The following MTSS1 variants were observed in gnomAD, a reference collection of about 807,000 sequenced individuals.
The protein encoded by MTSS1 is MTSS I-BAR domain containing 1, also known as protein MTSS 1.
MTSS1 carries 18 observed loss-of-function variants against 79.0 expected under a neutral mutation model. The observed-to-expected ratio is 0.23, with a 90% CI of 0.16 to 0.34. The LOEUF is 0.34. Among genes scored for constraint, MTSS1 ranks in the 10% least tolerant of loss-of-function variants. The pLI is 1.00. For synonymous variants in MTSS1, 341 were observed against 368.6 expected (o/e 0.93, Z 0.86); for missense variants, 815 against 986.2 (o/e 0.83, Z 2.33).
chr8:124,655,855 C>T (rs1820836425), intron 3 of MTSS1, among the ~76,000 whole-genome samples: 1 of 152,108 alleles, frequency 6.6e-6, no homozygotes, highest in African/African-American at 2.4e-5. Flanking sequence ...AAACTGTAGA[C>T]AAAGGCCATA....
Position 124,728,155 on chromosome 8 carries a change from C to T in MTSS1, c.-200G>A. On this transcript the variant is annotated 5_prime_UTR_variant, in exon 1 of 14. Coordinates refer to ENST00000518547, the MANE Select transcript of MTSS1 (RefSeq NM_014751.6). The surrounding 1 kb of genome is among the most constrained non-coding windows in gnomAD (Gnocchi z 6.1). ...ATAACAGTAATTTAAAAAGCCAAAC[C>T]GCTCTGTAGGGTATTCGCCTACAAG... The T allele has an allele frequency of 6.1e-6, 3 of 490,364 alleles. No individual in the cohort carries two copies. Among genetic ancestry groups the T allele is most frequent in the Non-Finnish European group, 7.2e-6 (2 of 278,504 alleles). 30.4% of individuals were successfully genotyped at this position (490,364 alleles called of 1,614,324 possible). A position where few individuals can be genotyped will look rare whatever the true frequency, so the allele number is the denominator to read the frequency against.
At chr8:124,673,076 A>G (rs1824591179) in intron 3 of MTSS1, 1 of 152,160 alleles carries the variant, frequency 6.6e-6, no homozygotes, top group Non-Finnish European at 1.5e-5. Flanking sequence ...TTCTCGCTGG[A>G]CTAGTGCACT....
At chr8:124,607,808 T>G (rs1835127645) in intron 3 of MTSS1, among the ~76,000 whole-genome samples, 1 of 152,194 alleles carries the variant, frequency 6.6e-6, no homozygotes, top group Admixed American at 6.5e-5. Context: ...CTTTGCTTTC[T>G]GTTGGAATTA....
intron 3 of MTSS1, chr8:124,698,148 A>T (rs1000007681): frequency 6.6e-6 from 1 of 152,216 alleles, no homozygotes; most frequent in African/African-American, 2.4e-5. Context: ...AGTGCCTGAA[A>T]TAAAAGGAGT....
At chr8:124,605,594 C>G (rs1422767409) in intron 3 of MTSS1, among the ~76,000 whole-genome samples, 2 of 139,650 alleles carry the variant, frequency 1.4e-5, no homozygotes, top group African/African-American at 6.5e-5. Flanking sequence ...CCTCTCGCTG[C>G]CTCCCTCCCT....
In MTSS1 at chr8:124,566,051, T is replaced by C. The variant is rs1826357386; in HGVS notation, c.727-292A>G. On this transcript the variant is annotated intron_variant, in intron 8 of 13. Transcript: ENST00000518547. ...AGGGAGAAATACAGTGACCAATTAATAATTTATAACAGCCATTTATACCCA... is the reference window on the plus strand; with the variant it reads ...AGGGAGAAATACAGTGACCAATTAACAATTTATAACAGCCATTTATACCCA... 7 of 215,152 alleles carry C rather than the reference T, an allele frequency of 3.3e-5. No homozygotes were observed. The South Asian group carries it at 7.0e-4, about 22-fold the overall frequency. 13.3% of individuals were successfully genotyped at this position (215,152 alleles called of 1,614,324 possible). A position where few individuals can be genotyped will look rare whatever the true frequency, so the allele number is the denominator to read the frequency against.
At chr8:124,691,176 CA>C (rs1247263865) in intron 3 of MTSS1, among the ~76,000 whole-genome samples, 2 of 152,118 alleles carry the variant, frequency 1.3e-5, no homozygotes, top group Non-Finnish European at 2.9e-5. Context: ...GGAAAAACAC[CA>C]AAATGATGAG....
chr8:124,635,845 T>C (rs1440613546), intron 3 of MTSS1, among the ~76,000 whole-genome samples: 1 of 152,026 alleles, frequency 6.6e-6, no homozygotes, highest in Admixed American at 6.6e-5. Context: ...ATGCCTTCCA[T>C]CTAGTTGCTA....
intron 3 of MTSS1, among the ~76,000 whole-genome samples, chr8:124,614,285 A>G (rs1243410590): frequency 1.2e-4 from 18 of 152,158 alleles, no homozygotes; most frequent in Non-Finnish European, 1.5e-5. Context: ...ACCTTGCTCA[A>G]TTGGAGGCCA....
At chr8:124,705,922 G>A (rs572992275) in intron 1 of MTSS1, among the ~76,000 whole-genome samples, 13 of 152,288 alleles carry the variant, frequency 8.5e-5, no homozygotes, top group African/African-American at 2.9e-4. Flanking sequence ...CCAAAAATGG[G>A]ACATTGCCAG....
chr8:124,628,887 C>T (rs1242836094), intron 3 of MTSS1, among the ~76,000 whole-genome samples: 3 of 152,128 alleles, frequency 2.0e-5, no homozygotes, highest in Non-Finnish European at 4.4e-5. Flanking sequence ...TGTCTAGCTC[C>T]GAAGTCTGCA....
At chr8:124,653,441 A>C (rs1208456351) in intron 3 of MTSS1, among the ~76,000 whole-genome samples, 1 of 152,162 alleles carries the variant, frequency 6.6e-6, no homozygotes, top group Non-Finnish European at 1.5e-5. Flanking sequence ...TATAAAAAAC[A>C]AGCCGGGCAT....
At chr8:124,698,253 T>A (rs1477399872) in intron 3 of MTSS1, 3 of 152,134 alleles carry the variant, frequency 2.0e-5, no homozygotes, top group Non-Finnish European at 2.9e-5. Flanking sequence ...AAGGTACCCA[T>A]CAGGTGGTTC....
At chr8:124,591,435 G>C (rs188070056) in intron 3 of MTSS1, among the ~76,000 whole-genome samples, 200 bp from the exon 4 acceptor site, 47 of 152,320 alleles carry the variant, frequency 3.1e-4, no homozygotes, top group African/African-American at 1.1e-3. Flanking sequence ...ACAGATTTCT[G>C]TATCACCAAA....
chr8:124,573,629 C>T (rs1025116934), intron 6 of MTSS1, among the ~76,000 whole-genome samples: 3 of 152,346 alleles, frequency 2.0e-5, no homozygotes, highest in African/African-American at 7.2e-5. Context: ...TGGCCTCAAC[C>T]ATCATTCCCT....
In MTSS1 at chr8:124,553,502, A is replaced by G. The variant is rs1225070052; in HGVS notation, c.1758T>C (p.Val586=). The part of the protein sequence containing the change: ...TLGPAMVTPG[V]ATIRRTPSTK... The stretch of plus-strand genomic sequence containing the variant: ...TGGAAGGGGTCCGTCGGATAGTTGC[A>G]ACCCCTGGAGTGACCATAGCAGGTC... Residue 586 remains valine, a synonymous_variant, in exon 14 of 14, where the codon GTT becomes GTC. Transcript: ENST00000518547. The surrounding 1 kb of genome is among the most constrained non-coding windows in gnomAD (Gnocchi z 6.0). The G allele has an allele frequency of 6.2e-7, 1 of 1,613,478 alleles. No individual in the cohort carries two copies. The highest frequency in any genetic ancestry group is 8.5e-7 in the Non-Finnish European group (1 of 1,179,690).
At chr8:124,620,102 T>C (rs912947415) in intron 3 of MTSS1, among the ~76,000 whole-genome samples, 1 of 152,098 alleles carries the variant, frequency 6.6e-6, no homozygotes, top group South Asian at 2.1e-4. Context: ...TGCGCCACCA[T>C]GCCTGGCTAA....
chr8:124,653,316 C>G (rs1282456529), intron 3 of MTSS1, among the ~76,000 whole-genome samples: 1 of 152,216 alleles, frequency 6.6e-6, no homozygotes, highest in Non-Finnish European at 1.5e-5. Flanking sequence ...TTTAGTCCAT[C>G]ACATTGAAAT....
At chr8:124,706,858 A>AT (rs1322281185) in intron 1 of MTSS1, among the ~76,000 whole-genome samples, 1 of 152,078 alleles carries the variant, frequency 6.6e-6, no homozygotes, top group African/African-American at 2.4e-5. Context: ...CATACATACC[A>AT]TTTTTTTAAT....
Sources: gnomAD v4.1 joint callset for allele counts (sites outside exome capture counted in the v4.1 genomes callset) on GRCh38, gnomAD v4.1.1 for gene constraint, Gnocchi (gnomAD v3.1) non-coding constraint, MANE v1.5 for transcripts, NCBI Gene and HGNC (gene_info 2026-07-23, HGNC 2026-07-21) for gene names.